ADGRL1: variants seen among roughly 807,000 people sequenced by gnomAD.
ADGRL1 encodes adhesion G protein-coupled receptor L1.
Under a neutral mutation model 148.9 loss-of-function variants are expected in ADGRL1, and 31 were observed. That is an observed-to-expected ratio of 0.21 (90% CI 0.16 to 0.28). ADGRL1 has a LOEUF of 0.28. ADGRL1 is among the 10% of genes least tolerant of loss of function. The pLI is 1.00. For missense variants in ADGRL1, 1,521 were observed against 2,058.8 expected (o/e 0.74, Z 5.05); for synonymous variants, 937 against 900.3 (o/e 1.04, Z -0.73).
intron 4 of ADGRL1, chr19:14,170,364 G>A (rs1970359463): frequency 9.0e-6 from 2 of 222,738 alleles, no homozygotes; most frequent in East Asian, 1.1e-4. Context: ...GTGCCAGGCA[G>A]AGCACGGGAC....
At position 14,150,092 on chromosome 19, in the gene ADGRL1, C is replaced by G. The variant is rs1968019862; in HGVS notation, c.*781G>C. 1 of 152,432 alleles carries G rather than the reference C, an allele frequency of 6.6e-6. No homozygotes were observed. Among genetic ancestry groups the G allele is most frequent in the Non-Finnish European group, 1.5e-5 (1 of 68,066 alleles). 9.4% of individuals were successfully genotyped at this position (152,432 alleles called of 1,614,324 possible). On this transcript the variant is annotated 3_prime_UTR_variant, in exon 23 of 23. Coordinates refer to ENST00000361434, the MANE Select transcript of ADGRL1 (RefSeq NM_014921.5). ...GACCCAAAATCTGCTCCCCAGATAG[C>G]CGAGCCCACAGGACTGGGAACTGCC...
chr19:14,191,009 A>C (rs35845368), intron 1 of ADGRL1: 75,055 of 424,474 alleles, frequency 0.18, 7,511 homozygotes, highest in Non-Finnish European at 0.22. Context: ...AATTGCTTGA[A>C]CCTGGGAGGC....
At position 14,159,355 on chromosome 19, in the gene ADGRL1, T is replaced by G. The variant is rs758210881; in HGVS notation, c.2023+46A>C. 1 of 1,577,338 alleles carries G rather than the reference T, an allele frequency of 6.3e-7. No homozygotes were observed. The highest frequency in any genetic ancestry group is 8.6e-7 in the Non-Finnish European group (1 of 1,157,628). ...TGGCCTCCAGGCCAGAACCCCGTGG[T>G]TTAAGGTTCGTATCTGAGTTTGCCC... is the stretch of plus-strand genomic sequence containing the variant. On this transcript the variant is annotated intron_variant, in intron 10 of 22. Coordinates refer to ENST00000361434, the MANE Select transcript of ADGRL1 (RefSeq NM_014921.5). The surrounding 1 kb of genome is among the most constrained non-coding windows in gnomAD (Gnocchi z 6.0).
intron 1 of ADGRL1, among the ~76,000 whole-genome samples, chr19:14,201,939 G>T (rs868497435): frequency 6.6e-6 from 1 of 152,238 alleles, no homozygotes; most frequent in Non-Finnish European, 1.5e-5. Flanking sequence ...CTTTGCAGAA[G>T]GTGCCTGGGA....
rs1157129399 is a variant in ADGRL1, at chr19:14,147,842, T to G, written c.*3031A>C. 1 of 152,648 alleles carries G rather than the reference T, an allele frequency of 6.6e-6. No homozygotes were observed. Among genetic ancestry groups the G allele is most frequent in the East Asian group, 1.9e-4 (1 of 5,206 alleles). The allele number at this position is 152,648 out of a possible 1,614,324, so 9.5% of individuals were successfully genotyped here. A position where few individuals can be genotyped will look rare whatever the true frequency, so the allele number is the denominator to read the frequency against. The stretch of plus-strand genomic sequence containing the variant: ...TGAAACGTTCTTGTTGTTATGAGCC[T>G]TTTGTTTTGTTCTCGTTAAATGCAC... On this transcript the variant is annotated 3_prime_UTR_variant, in exon 23 of 23. Coordinates refer to ENST00000361434, the MANE Select transcript of ADGRL1 (RefSeq NM_014921.5).
chr19:14,188,324 A>G (rs1470755514), intron 1 of ADGRL1, among the ~76,000 whole-genome samples: 1 of 152,124 alleles, frequency 6.6e-6, no homozygotes, highest in South Asian at 2.1e-4. Flanking sequence ...AGGCCCCATC[A>G]GAGGGTGCTG....
chr19:14,185,225 C>T (rs759444440), intron 1 of ADGRL1, among the ~76,000 whole-genome samples: 11 of 152,222 alleles, frequency 7.2e-5, no homozygotes, highest in Non-Finnish European at 4.4e-5. Flanking sequence ...CACCCTGGTT[C>T]TCCAGGTGTG....
chr19:14,201,302 G>GTTT (rs56206541), intron 1 of ADGRL1, among the ~76,000 whole-genome samples: 1 of 109,950 alleles, frequency 9.1e-6, no homozygotes, highest in Non-Finnish European at 1.8e-5. Flanking sequence ...GAGTTTTTTT[G>GTTT]TTTTTTTTTT....
intron 4 of ADGRL1, among the ~76,000 whole-genome samples, chr19:14,164,934 CAGGGCGAGGGTGG>C (rs1159723743): frequency 6.6e-6 from 1 of 152,094 alleles, no homozygotes; most frequent in Non-Finnish European, 1.5e-5. Flanking sequence ...GGCGAGGGCA[CAGGGCGAGGGTGG>C]AGGGTTTGCA....
intron 1 of ADGRL1, among the ~76,000 whole-genome samples, chr19:14,187,003 T>C (rs1338577183): frequency 6.6e-6 from 1 of 152,184 alleles, no homozygotes; most frequent in Non-Finnish European, 1.5e-5. Flanking sequence ...CACCTGAAAT[T>C]ACCTTTTTAT....
chr19:14,179,616 C>T (rs982314487), intron 2 of ADGRL1, among the ~76,000 whole-genome samples: 3 of 151,576 alleles, frequency 2.0e-5, no homozygotes, highest in African/African-American at 4.9e-5. Context: ...GCTTAAGACA[C>T]ATGGTCTAGG....
intron 3 of ADGRL1, among the ~76,000 whole-genome samples, chr19:14,175,990 G>T (rs979320778): frequency 3.3e-5 from 5 of 151,540 alleles, no homozygotes; most frequent in African/African-American, 1.2e-4. Context: ...GGAGGTGGAG[G>T]TTGCAATGAG....
rs1967692464 is a variant in ADGRL1, at chr19:14,160,782, G to C, written c.1511-86C>G. The C allele has an allele frequency of 1.0e-5, 8 of 782,188 alleles. No individual in the cohort carries two copies. In the Admixed American group the frequency reaches 1.6e-4, roughly 15 times the overall value. 48.5% of individuals were successfully genotyped at this position (782,188 alleles called of 1,614,324 possible). A position where few individuals can be genotyped will look rare whatever the true frequency, so the allele number is the denominator to read the frequency against. ...ACAGAGAGGGGGAAAGGAGATGACAGAGAGTGGGGGACGAGCGGGCGAAGA... is the reference window on the plus strand; with the variant it reads ...ACAGAGAGGGGGAAAGGAGATGACACAGAGTGGGGGACGAGCGGGCGAAGA... On this transcript the variant is annotated intron_variant, in intron 6 of 22. Coordinates refer to ENST00000361434, the MANE Select transcript of ADGRL1 (RefSeq NM_014921.5). The surrounding 1 kb of genome is among the most constrained non-coding windows in gnomAD (Gnocchi z 5.9).
Position 14,155,290 on chromosome 19 carries a change from G to A in ADGRL1, c.3294+69C>T, listed in dbSNP as rs957046930. On this transcript the variant is annotated intron_variant, in intron 18 of 22. Coordinates refer to ENST00000361434, the MANE Select transcript of ADGRL1 (RefSeq NM_014921.5). The surrounding 1 kb of genome is among the most constrained non-coding windows in gnomAD (Gnocchi z 5.0). ...CCCCTGAGTCCCCTCCACCCTCGCCGCCTTCTCCTGGGTACCCAGGAAACG... is the reference window on the plus strand; with the variant it reads ...CCCCTGAGTCCCCTCCACCCTCGCCACCTTCTCCTGGGTACCCAGGAAACG... 100 of 1,565,522 alleles carry A rather than the reference G, an allele frequency of 6.4e-5. No individual in the cohort carries two copies. The highest frequency in any genetic ancestry group is 8.4e-5 in the Non-Finnish European group (96 of 1,148,764).
intron 1 of ADGRL1, among the ~76,000 whole-genome samples, chr19:14,191,700 T>C (rs1971952807): frequency 6.6e-6 from 1 of 151,874 alleles, no homozygotes; most frequent in Non-Finnish European, 1.5e-5. Flanking sequence ...CTCTCTCTTT[T>C]TTTTTTTTTT....
Position 14,202,889 on chromosome 19 carries a change from C to T in ADGRL1, c.-96+3096G>A, listed in dbSNP as rs533622443. ...GAACACCGGATGAGTCTGATGGTCA[C>T]GTGGCCACATGCACCCTTGGCTAGA... On this transcript the variant is annotated intron_variant, in intron 1 of 22. Coordinates refer to ENST00000361434, the MANE Select transcript of ADGRL1 (RefSeq NM_014921.5). 3.0e-4 allele frequency among the ~76,000 whole-genome samples: 46 copies of T among 152,100 alleles called. 1 individual carries two copies. The highest frequency in any genetic ancestry group is 3.2e-4 in the Non-Finnish European group (22 of 68,014).
rs1378188680 is a variant in ADGRL1, at chr19:14,158,370, C to T, written c.2332G>A (p.Asp778Asn). Residue 778 changes from aspartate to asparagine, a missense_variant, in exon 12 of 23, where the codon GAC (aspartate) becomes AAC (asparagine). Physicochemically the swap from Asp to Asn is conservative, Grantham distance 23. This residue lies in a region of ADGRL1 where 265 missense variants were observed against 431.9 expected (regional missense o/e 0.61). Coordinates refer to ENST00000361434, the MANE Select transcript of ADGRL1 (RefSeq NM_014921.5). ...TGGGCCACGGTGAAGATGACAGGGTCCATGAGGAAGACGCGGCTGGACTCC... is the reference window on the plus strand; with the variant it reads ...TGGGCCACGGTGAAGATGACAGGGTTCATGAGGAAGACGCGGCTGGACTCC... ...NKESSRVFLMDPVIFTVAHLE... is the reference protein window; with the variant it reads ...NKESSRVFLMNPVIFTVAHLE... 14 of 1,613,674 alleles carry T rather than the reference C, an allele frequency of 8.7e-6. No individual in the cohort carries two copies. The highest frequency in any genetic ancestry group is 3.4e-6 in the Non-Finnish European group (4 of 1,180,038).
chr19:14,160,381 C>T lies in ADGRL1; in HGVS notation c.1615-84G>A. ...TCCCCGGCTTCCCTGGCCTGTGCAG[C>T]CTCTCCTATCTCTCTCTCCACTTCC... On this transcript the variant is annotated intron_variant, in intron 7 of 22. Transcript: ENST00000361434. This position sits in a 1 kb window ranked among gnomAD's most constrained non-coding sequence, Gnocchi z 5.9. 1 of 1,277,240 alleles carries T rather than the reference C, an allele frequency of 7.8e-7. No individual in the cohort carries two copies. Among genetic ancestry groups the T allele is most frequent in the Admixed American group, 2.2e-5 (1 of 46,344 alleles). The allele number at this position is 1,277,240 out of a possible 1,614,324, so 79.1% of individuals were successfully genotyped here. A position where few individuals can be genotyped will look rare whatever the true frequency, so the allele number is the denominator to read the frequency against.
chr19:14,183,446 G>T, intron 2 of ADGRL1, 87 bp downstream of exon 2: 1 of 1,253,708 alleles, frequency 8.0e-7, no homozygotes, highest in Non-Finnish European at 1.1e-6. Flanking sequence ...TCTTTACTGA[G>T]TGATCAGGAG....
Sources: gnomAD v4.1 joint callset for allele counts (sites outside exome capture counted in the v4.1 genomes callset) on GRCh38, gnomAD v4.1.1 for gene constraint, gnomAD v4.1.1 regional missense constraint, Gnocchi (gnomAD v3.1) non-coding constraint, MANE v1.5 for transcripts, NCBI Gene and HGNC (gene_info 2026-07-23, HGNC 2026-07-21) for gene names.